The following PPARGC1A variants were observed in gnomAD, a reference collection of about 807,000 sequenced individuals.
PPARGC1A encodes peroxisome proliferator-activated receptor gamma coactivator 1-alpha.
Under a neutral mutation model 88.7 loss-of-function variants are expected in PPARGC1A, and 25 were observed. That is an observed-to-expected ratio of 0.28 (90% confidence interval 0.21 to 0.39). PPARGC1A has a LOEUF of 0.39. PPARGC1A is among the 10% of genes least tolerant of loss of function. The pLI is 1.00. For missense variants in PPARGC1A, 880 were observed against 968.7 expected (o/e 0.91, Z 1.22); for synonymous variants, 363 against 355.6 (o/e 1.02, Z -0.24).
At chr4:23,929,493 A>T in the PPARGC1A span, among the ~76,000 whole-genome samples, 1 of 152,356 alleles carries the variant, frequency 6.6e-6, no homozygotes, top group African/African-American at 2.4e-5. Flanking sequence ...GAGTAAGGCT[A>T]GTGCTGCCTC....
the PPARGC1A span, among the ~76,000 whole-genome samples, chr4:24,006,481 C>A: frequency 6.6e-6 from 1 of 152,200 alleles, no homozygotes; most frequent in Non-Finnish European, 1.5e-5. Context: ...GAGTCTGCCC[C>A]TTAACATTGG....
the PPARGC1A span, among the ~76,000 whole-genome samples, chr4:23,923,116 G>GTTTTTTTTTT: frequency 1.5e-5 from 2 of 131,688 alleles, no homozygotes; most frequent in African/African-American, 2.8e-5. Context: ...TTTGTTGCTT[G>GTTTTTTTTTT]TTTTTTTTTT....
chr4:24,101,272 A>T, the PPARGC1A span, among the ~76,000 whole-genome samples: 1 of 152,144 alleles, frequency 6.6e-6, no homozygotes, highest in Non-Finnish European at 1.5e-5. Context: ...CCACATGAAA[A>T]AGGTGCCTGC....
At chr4:24,318,236 G>C in the PPARGC1A span, among the ~76,000 whole-genome samples, 1 of 152,222 alleles carries the variant, frequency 6.6e-6, no homozygotes, top group Non-Finnish European at 1.5e-5. Flanking sequence ...AGGGTACTAA[G>C]AAGCCAAGAC....
chr4:24,275,192 A>C, the PPARGC1A span, among the ~76,000 whole-genome samples: 1 of 143,046 alleles, frequency 7.0e-6, no homozygotes, highest in East Asian at 2.1e-4. Context: ...TGTCTGTACA[A>C]TCAAGTAAGT....
the PPARGC1A span, among the ~76,000 whole-genome samples, chr4:23,978,764 G>A: frequency 6.6e-6 from 1 of 152,180 alleles, no homozygotes; most frequent in Non-Finnish European, 1.5e-5. Flanking sequence ...TGGGGAGGGG[G>A]AGAGTGAAAC....
the PPARGC1A span, among the ~76,000 whole-genome samples, chr4:24,055,004 C>A: frequency 0.35 from 53,107 of 152,102 alleles, 9,773 homozygotes; most frequent in South Asian, 0.43. Flanking sequence ...TAAGTTCTGT[C>A]ACTATCCCCT....
chr4:24,127,154 C>T, the PPARGC1A span, among the ~76,000 whole-genome samples: 394 of 152,266 alleles, frequency 2.6e-3, 8 homozygotes, highest in East Asian at 0.049. Context: ...AACACCATGC[C>T]CTTTTTATCA....
chr4:23,933,794 T>C, the PPARGC1A span, among the ~76,000 whole-genome samples: 1 of 152,224 alleles, frequency 6.6e-6, no homozygotes, highest in Non-Finnish European at 1.5e-5. Flanking sequence ...TAATCATTCA[T>C]ATGCCACAGG....
chr4:24,331,271 C>T, the PPARGC1A span, among the ~76,000 whole-genome samples: 1 of 152,122 alleles, frequency 6.6e-6, no homozygotes, highest in Non-Finnish European at 1.5e-5. Flanking sequence ...GTTCCCTTTC[C>T]CTGGAATACG....
the PPARGC1A span, among the ~76,000 whole-genome samples, chr4:23,950,449 G>A: frequency 6.6e-6 from 1 of 151,994 alleles, no homozygotes; most frequent in African/African-American, 2.4e-5. Context: ...AACAAGCATC[G>A]GTCGATGCAA....
the PPARGC1A span, among the ~76,000 whole-genome samples, chr4:24,366,908 T>C: frequency 2.0e-5 from 3 of 152,314 alleles, no homozygotes; most frequent in South Asian, 6.2e-4. Context: ...GTGACAATTA[T>C]GCTGAGATTC....
chr4:24,339,229 TATATATATACACACACAC>T, the PPARGC1A span, among the ~76,000 whole-genome samples: 2 of 100,054 alleles, frequency 2.0e-5, no homozygotes, highest in East Asian at 3.1e-4. Context: ...TATATATATA[TATATATATACACACACAC>T]ACACACACAC....
At chr4:24,469,932 G>A in the PPARGC1A span, among the ~76,000 whole-genome samples, 1 of 152,058 alleles carries the variant, frequency 6.6e-6, no homozygotes, top group Non-Finnish European at 1.5e-5. Context: ...GCAGCCCTTC[G>A]CTTTTAAACG....
chr4:24,459,842 A>G, the PPARGC1A span, among the ~76,000 whole-genome samples: 1 of 152,240 alleles, frequency 6.6e-6, no homozygotes, highest in Non-Finnish European at 1.5e-5. Flanking sequence ...TTTAAATACA[A>G]TAGGCATAAA....
chr4:24,381,393 G>A, the PPARGC1A span, among the ~76,000 whole-genome samples: 1 of 152,132 alleles, frequency 6.6e-6, no homozygotes, highest in Non-Finnish European at 1.5e-5. Flanking sequence ...GTAAACACAG[G>A]ACCACAAAAG....
chr4:24,159,070 T>C, the PPARGC1A span, among the ~76,000 whole-genome samples: 1 of 152,138 alleles, frequency 6.6e-6, no homozygotes, highest in South Asian at 2.1e-4. Flanking sequence ...ATTTATGATA[T>C]CACATTTGCT....
the PPARGC1A span, among the ~76,000 whole-genome samples, chr4:23,979,061 C>A: frequency 6.6e-6 from 1 of 152,134 alleles, no homozygotes; most frequent in Non-Finnish European, 1.5e-5. Context: ...CGTTTTACTA[C>A]ACTTAGCTCA....
the PPARGC1A span, among the ~76,000 whole-genome samples, chr4:24,351,370 G>A: frequency 6.7e-6 from 1 of 149,894 alleles, no homozygotes; most frequent in Admixed American, 6.6e-5. Flanking sequence ...GTTCCAGCTT[G>A]GACAACAGGT....
Sources: allele counts gnomAD v4.1 joint callset (sites outside exome capture counted in the v4.1 genomes callset), GRCh38; gene constraint gnomAD v4.1.1; transcripts MANE v1.5; gene names NCBI Gene and HGNC (gene_info 2026-07-23, HGNC 2026-07-21).